AQP7: variants seen among roughly 807,000 people sequenced by gnomAD.
The protein encoded by AQP7 is aquaporin-7.
A neutral mutation model predicts 26.1 loss-of-function variants in AQP7; 22 were observed. The observed-to-expected ratio is 0.84, with a 90% CI of 0.60 to 1.20. AQP7 has a LOEUF of 1.20. AQP7 is among the 50% of genes most tolerant of loss of function. AQP7 has a pLI of 0.00. For missense variants in AQP7, 412 were observed against 457.5 expected (o/e 0.90, Z 0.91); for synonymous variants, 167 against 181.7 (o/e 0.92, Z 0.65).
chr9:33,395,370 G>A (rs1477174612), intron 2 of AQP7, 175 bp from the exon 3 acceptor site: 3 of 622,140 alleles, frequency 4.8e-6, no homozygotes, highest in African/African-American at 3.7e-5. Context: ...AGAGCCACGG[G>A]GACATGGAGA....
intron 1 of AQP7, chr9:33,401,694 C>T (rs10971488): frequency 0.078 from 19,282 of 248,384 alleles, 937 homozygotes; most frequent in East Asian, 0.11. Context: ...CACACATGCA[C>T]GCATGCACAC....
intron 3 of AQP7, among the ~76,000 whole-genome samples, chr9:33,388,259 A>G (rs906995346): frequency 5.3e-5 from 8 of 152,000 alleles, no homozygotes; most frequent in African/African-American, 1.7e-4. Flanking sequence ...TCCTCACTCT[A>G]TGTTCCCCAT....
intron 3 of AQP7, among the ~76,000 whole-genome samples, chr9:33,393,480 C>T (rs1825586817): frequency 6.6e-6 from 1 of 152,224 alleles, no homozygotes; most frequent in African/African-American, 2.4e-5. Flanking sequence ...TGGGCCCCAC[C>T]ACACACACAA....
In AQP7 at chr9:33,383,418, A is replaced by G. The variant is rs1352665574; in HGVS notation, c.*1587T>C. 2 of 151,314 alleles carry G rather than the reference A, an allele frequency of 1.3e-5. No individual in the cohort carries two copies. The highest frequency in any genetic ancestry group is 2.9e-5 in the Non-Finnish European group (2 of 67,894). 9.4% of individuals were successfully genotyped at this position (151,314 alleles called of 1,614,324 possible). A position where few individuals can be genotyped will look rare whatever the true frequency, so the allele number is the denominator to read the frequency against. The stretch of plus-strand genomic sequence containing the variant: ...CAAACCATTTCCTCACTTGTGCCCT[A>G]CTCTCAGTGGGGACATCTCCAATCC... On this transcript the variant is annotated 3_prime_UTR_variant, in exon 8 of 8. Transcript: ENST00000297988.
intron 5 of AQP7, 31 bp from the exon 6 acceptor site, chr9:33,386,226 G>A (rs775173578): frequency 6.2e-7 from 1 of 1,613,552 alleles, no homozygotes; most frequent in South Asian, 1.1e-5. Context: ...ATGCGAACCT[G>A]CTCCCAACTA....
Position 33,386,550 on chromosome 9 carries a change from A to G in AQP7, c.269-9T>C, listed in dbSNP as rs1334962621. 1.9e-6 allele frequency: 3 copies of G among 1,610,696 alleles called. No homozygotes were observed. Among genetic ancestry groups the G allele is most frequent in the African/African-American group, 2.7e-5 (2 of 75,042 alleles). ...TGCGTTCATGTGGGCTCCTGCGGGC[A>G]GCAGGCAAGTGTGTCAGGGAGTGAG... On this transcript the variant is annotated splice_polypyrimidine_tract_variant and intron_variant, in intron 4 of 7. Transcript: ENST00000297988.
intron 2 of AQP7, among the ~76,000 whole-genome samples, chr9:33,399,838 G>A (rs961577974): frequency 3.9e-5 from 6 of 152,236 alleles, no homozygotes; most frequent in Non-Finnish European, 7.4e-5. Flanking sequence ...CCATGGGGGA[G>A]TAGGGTGGTG....
rs144106867 is a variant in AQP7 at position 33,387,946 on chromosome 9, G to T, written c.145-854C>A. 4.3e-3 allele frequency among the ~76,000 whole-genome samples: 651 copies of T among 152,256 alleles called. 8 individuals are homozygous for T. Among genetic ancestry groups the T allele is most frequent in the African/African-American group, 0.015 (613 of 41,554 alleles). Reference sequence around the variant, plus strand: ...CCTGCTTCAGTCAGGCCGCAGGAGAGAACACGCTGGCCAGCTGCTTCACCC... The same window carrying T: ...CCTGCTTCAGTCAGGCCGCAGGAGATAACACGCTGGCCAGCTGCTTCACCC... On this transcript the variant is annotated intron_variant, in intron 3 of 7. Transcript: ENST00000297988.
At position 33,399,928 on chromosome 9, in the gene AQP7, G is replaced by A. The variant is rs548038705; in HGVS notation, c.26+1309C>T. Among the ~76,000 whole-genome samples, 134 of 152,232 alleles carry A rather than the reference G, an allele frequency of 8.8e-4. 1 individual carries two copies. Among genetic ancestry groups the A allele is most frequent in the Admixed American group, 2.0e-3 (30 of 15,274 alleles). On this transcript the variant is annotated intron_variant, in intron 2 of 7. Transcript: ENST00000297988. ...CTGGATGTGAGACATGGGGGAGAGG[G>A]AAGTATGAAGGACATGACCTTGACT... is the stretch of plus-strand genomic sequence containing the variant.
At position 33,387,199 on chromosome 9, in the gene AQP7, G is replaced by C. The variant is rs560309994; in HGVS notation, c.145-107C>G. 5 of 1,370,322 alleles carry C rather than the reference G, an allele frequency of 3.6e-6. No individual in the cohort carries two copies. In the African/African-American group the frequency reaches 7.3e-5, roughly 20 times the overall value. 84.9% of individuals were successfully genotyped at this position (1,370,322 alleles called of 1,614,324 possible). ...TCACCCCCATGCCCTGGGCCTCCCT[G>C]GCATTGCCTCGAAGACCCGCTGCCA... On this transcript the variant is annotated intron_variant, in intron 3 of 7. Transcript: ENST00000297988.
chr9:33,394,453 C>T (rs1281036160), intron 3 of AQP7, among the ~76,000 whole-genome samples: 8 of 151,918 alleles, frequency 5.3e-5, no homozygotes, highest in Admixed American at 1.3e-4. Flanking sequence ...TATCAGAGCC[C>T]GATCATCAAG....
Position 33,384,400 on chromosome 9 carries a change from C to A in AQP7, c.*605G>T, listed in dbSNP as rs1182821738. 7 of 151,994 alleles carry A rather than the reference C, an allele frequency of 4.6e-5. No homozygotes were observed. Among genetic ancestry groups the A allele is most frequent in the Admixed American group, 4.6e-4 (7 of 15,274 alleles). The allele number at this position is 151,994 out of a possible 1,614,324, so 9.4% of individuals were successfully genotyped here. On this transcript the variant is annotated 3_prime_UTR_variant, in exon 8 of 8. Coordinates refer to ENST00000297988, the MANE Select transcript of AQP7 (RefSeq NM_001170.3). ...GGGGAGGTGAAAAAAAAATCTTACT[C>A]TTTTTTATGTATAAAGCACAGAACA...
Position 33,383,393 on chromosome 9 carries a change from C to G in AQP7, c.*1612G>C, listed in dbSNP as rs1215754727. On this transcript the variant is annotated 3_prime_UTR_variant, in exon 8 of 8. Transcript: ENST00000297988. ...CCATGATGTAACTTATCTTCCTCTC[C>G]AAACCATTTCCTCACTTGTGCCCTA... 6.6e-6 allele frequency: 1 copy of G among 152,144 alleles called. No homozygotes were observed. Among genetic ancestry groups the G allele is most frequent in the African/African-American group, 2.4e-5 (1 of 41,410 alleles). The allele number at this position is 152,144 out of a possible 1,614,324, so 9.4% of individuals were successfully genotyped here.
chr9:33,401,349 T>G, intron 1 of AQP7, 62 bp from the exon 2 acceptor site: 38 of 1,408,344 alleles, frequency 2.7e-5, no homozygotes, highest in Non-Finnish European at 3.7e-5. Context: ...CACACTTCCA[T>G]CAGACCTTGG....
chr9:33,388,115 C>A (rs1287354664), intron 3 of AQP7, among the ~76,000 whole-genome samples: 1 of 152,180 alleles, frequency 6.6e-6, no homozygotes, highest in East Asian at 1.9e-4. Flanking sequence ...CTCAGCTATG[C>A]CTGATGCGCT....
At chr9:33,397,142 G>A (rs1825914732) in intron 2 of AQP7, among the ~76,000 whole-genome samples, 1 of 150,492 alleles carries the variant, frequency 6.6e-6, no homozygotes, top group Non-Finnish European at 1.5e-5. Flanking sequence ...ATTAATTAAC[G>A]GTTTTTCTTC....
At chr9:33,385,320 G>A in intron 7 of AQP7, 30 bp from the exon 8 acceptor site, 6 of 1,592,282 alleles carry the variant, frequency 3.8e-6, no homozygotes, top group Non-Finnish European at 4.3e-6. Context: ...GCCTGCTGAG[G>A]GGGCTGATGC....
intron 3 of AQP7, among the ~76,000 whole-genome samples, chr9:33,393,346 A>G (rs911569668): frequency 6.6e-6 from 1 of 152,266 alleles, no homozygotes; most frequent in East Asian, 1.9e-4. Flanking sequence ...CTAATTCTAC[A>G]TGATATAAGT....
At chr9:33,400,695 C>T (rs1315767443) in intron 2 of AQP7, among the ~76,000 whole-genome samples, 7 of 151,964 alleles carry the variant, frequency 4.6e-5, no homozygotes, top group African/African-American at 1.2e-4. Flanking sequence ...ATCACAGCTA[C>T]TCAGGAGGCT....
Sources: allele counts gnomAD v4.1 joint callset (sites outside exome capture counted in the v4.1 genomes callset), GRCh38; gene constraint gnomAD v4.1.1; transcripts MANE v1.5; gene names NCBI Gene and HGNC (gene_info 2026-07-23, HGNC 2026-07-21).